The following ARHGAP17 variants were observed in gnomAD, a reference collection of about 807,000 sequenced individuals.
ARHGAP17 encodes Rho GTPase activating protein 17.
ARHGAP17 carries 57 observed loss-of-function variants against 99.5 expected under a neutral mutation model. The ratio of observed to expected loss-of-function variants is 0.57; its 90% CI spans 0.46 to 0.71. ARHGAP17 has a LOEUF of 0.71. ARHGAP17 is among the 30% of genes least tolerant of loss of function. The pLI is 0.00. For synonymous variants in ARHGAP17, 417 were observed against 429.6 expected, an observed-to-expected ratio of 0.97 and a Z score of 0.36; for missense variants, 1,000 against 1,122.4, an observed-to-expected ratio of 0.89 and a Z score of 1.56.
chr16:24,944,211 C>T (rs932726990), intron 14 of ARHGAP17, among the ~76,000 whole-genome samples: 9 of 148,850 alleles, frequency 6.0e-5, no homozygotes, highest in African/African-American at 2.0e-4. Context: ...ATGGAGGTTG[C>T]AGTGAGCCAA....
chr16:24,962,535 C>G (rs2052042996), intron 7 of ARHGAP17, among the ~76,000 whole-genome samples: 1 of 152,116 alleles, frequency 6.6e-6, no homozygotes, highest in Non-Finnish European at 1.5e-5. Context: ...TCCCAGAAAC[C>G]CCAAACTGAT....
At chr16:24,986,907 G>A (rs1292142638) in intron 1 of ARHGAP17, among the ~76,000 whole-genome samples, 3 of 152,206 alleles carry the variant, frequency 2.0e-5, no homozygotes, top group Admixed American at 6.5e-5. Flanking sequence ...AAATGCGGAG[G>A]CACAGCCCAG....
At chr16:24,983,250 C>G (rs907978006) in intron 1 of ARHGAP17, among the ~76,000 whole-genome samples, 8 of 151,516 alleles carry the variant, frequency 5.3e-5, no homozygotes, top group African/African-American at 1.9e-4. Flanking sequence ...AGCGATCTGG[C>G]TGCCTTGGTC....
At chr16:24,926,891 C>T (rs73555420) in intron 19 of ARHGAP17, among the ~76,000 whole-genome samples, 12,361 of 152,196 alleles carry the variant, frequency 0.081, 1,615 homozygotes, top group African/African-American at 0.28. Context: ...CCTAGAAGGC[C>T]GGGTCCGGGC....
At chr16:24,982,990 ATATATATTTTT>A (rs1471069013) in intron 1 of ARHGAP17, among the ~76,000 whole-genome samples, 3 of 32,460 alleles carry the variant, frequency 9.2e-5, no homozygotes, top group African/African-American at 2.5e-4. Flanking sequence ...ATATATATAT[ATATATATTTTT>A]TTTTTTTTTT....
chr16:24,975,504 C>T (rs147485768), intron 3 of ARHGAP17, among the ~76,000 whole-genome samples: 3 of 152,152 alleles, frequency 2.0e-5, no homozygotes, highest in East Asian at 3.9e-4. Flanking sequence ...GGTCTGGTTC[C>T]GAGGGACAGA....
At chr16:24,980,533 T>C (rs961997145) in intron 1 of ARHGAP17, among the ~76,000 whole-genome samples, 1 of 152,084 alleles carries the variant, frequency 6.6e-6, no homozygotes, top group Non-Finnish European at 1.5e-5. Flanking sequence ...GGCCAACATA[T>C]GCTACCCTAG....
intron 19 of ARHGAP17, among the ~76,000 whole-genome samples, chr16:24,929,226 C>T (rs568061709): frequency 6.6e-6 from 1 of 150,838 alleles, no homozygotes; most frequent in South Asian, 2.1e-4. Context: ...TGTGCAGTGA[C>T]ACAATCACTA....
At chr16:24,966,071 A>G (rs2052170582) in intron 6 of ARHGAP17, among the ~76,000 whole-genome samples, 1 of 152,266 alleles carries the variant, frequency 6.6e-6, no homozygotes, top group African/African-American at 2.4e-5. Context: ...ATAAACATCT[A>G]TAATAATGCT....
intron 12 of ARHGAP17, among the ~76,000 whole-genome samples, chr16:24,951,482 A>G (rs1291298318): frequency 6.6e-6 from 1 of 152,180 alleles, no homozygotes; most frequent in Non-Finnish European, 1.5e-5. Flanking sequence ...TTATATGCAA[A>G]TTTTTCAATA....
intron 9 of ARHGAP17, among the ~76,000 whole-genome samples, chr16:24,958,760 A>G (rs951467168): frequency 2.6e-5 from 4 of 152,170 alleles, no homozygotes; most frequent in Admixed American, 6.5e-5. Flanking sequence ...TCCCCCCCAC[A>G]ACACACACAG....
At position 24,927,600 on chromosome 16, in the gene ARHGAP17, G is replaced by A. The variant is rs1202797441; in HGVS notation, c.2515+3184C>T. On this transcript the variant is annotated intron_variant, in intron 19 of 19. Transcript: ENST00000289968. ...GGATGCAAGCAGGCAGGGTTAGGGT[G>A]GCCAGTTAGTAACAGGCATGAGTGC... The A allele has an allele frequency of 2.3e-5, 14 of 605,540 alleles. No individual in the cohort carries two copies. In the Admixed American group the frequency reaches 5.4e-4, roughly 24 times the overall value. 37.5% of individuals were successfully genotyped at this position (605,540 alleles called of 1,614,324 possible).
rs568113337 is a variant in ARHGAP17 at position 24,955,279 on chromosome 16, C to T, written c.725-549G>A. On this transcript the variant is annotated intron_variant, in intron 9 of 19. Transcript: ENST00000289968. This position sits in a 1 kb window ranked among gnomAD's most constrained non-coding sequence, Gnocchi z 4.0. ...TACTCTCCATCAGATGCGACATCTC[C>T]GCGGCATGCAGTGCTTCAGAACACC... 1 of 152,350 alleles carries T rather than the reference C, an allele frequency of 6.6e-6. No individual in the cohort carries two copies. Among genetic ancestry groups the T allele is most frequent in the South Asian group, 2.1e-4 (1 of 4,834 alleles). 9.4% of individuals were successfully genotyped at this position (152,350 alleles called of 1,614,324 possible). A position where few individuals can be genotyped will look rare whatever the true frequency, so the allele number is the denominator to read the frequency against.
chr16:24,969,386 G>A (rs764733285), intron 4 of ARHGAP17, among the ~76,000 whole-genome samples: 4 of 151,904 alleles, frequency 2.6e-5, no homozygotes, highest in African/African-American at 7.3e-5. Context: ...AGAAATGCAC[G>A]TTGCCTGGTG....
At chr16:24,963,454 A>C in intron 7 of ARHGAP17, among the ~76,000 whole-genome samples, 1 of 152,238 alleles carries the variant, frequency 6.6e-6, no homozygotes, top group Admixed American at 6.5e-5. Flanking sequence ...TATTAGCAGG[A>C]AATAAAAAAA....
rs1191772379 is a variant in ARHGAP17 at position 24,931,145 on chromosome 16, G to A, written c.2154C>T (p.Pro718=). ...GCATCAGTGGCGTGGCCTGCGTAGG[G>A]GGCTGCGGCGGTGGGTGATTGGGAG... ...IQAPNHPPPQ[P]PTQATPLMHT... is the part of the protein sequence containing the mutation. Residue 718 remains proline (P), a synonymous_variant, in exon 19 of 20, where the codon CCC becomes CCT. Coordinates refer to ENST00000289968, the MANE Select transcript of ARHGAP17 (RefSeq NM_001006634.3). The A allele has an allele frequency of 1.2e-6, 2 of 1,602,964 alleles. No individual in the cohort carries two copies. Among genetic ancestry groups the A allele is most frequent in the Non-Finnish European group, 8.5e-7 (1 of 1,174,952 alleles).
chr16:24,925,058 G>C (rs2050805701), intron 19 of ARHGAP17, among the ~76,000 whole-genome samples: 1 of 151,980 alleles, frequency 6.6e-6, no homozygotes, highest in Admixed American at 6.6e-5. Context: ...CAACTCTTTT[G>C]GGAAAGAGGG....
intron 1 of ARHGAP17, among the ~76,000 whole-genome samples, chr16:24,995,438 G>A (rs1005050796): frequency 6.6e-6 from 1 of 152,230 alleles, no homozygotes; most frequent in African/African-American, 2.4e-5. Flanking sequence ...ACCCAGGTCA[G>A]GGAGAAGAGA....
intron 7 of ARHGAP17, 40 bp downstream of exon 7, chr16:24,964,157 C>T (rs2052099132): frequency 1.4e-6 from 2 of 1,410,316 alleles, no homozygotes; most frequent in Non-Finnish European, 1.9e-6. Context: ...CCCTCATTTG[C>T]AAAAACCGAA....
Sources: allele counts gnomAD v4.1 joint callset (sites outside exome capture counted in the v4.1 genomes callset), GRCh38; gene constraint gnomAD v4.1.1; non-coding constraint Gnocchi (gnomAD v3.1); transcripts MANE v1.5; gene names NCBI Gene and HGNC (gene_info 2026-07-23, HGNC 2026-07-21).